Variants in SPAG16 observed in about 807,000 individuals in gnomAD.
The protein encoded by SPAG16 is sperm associated antigen 16.
A neutral mutation model predicts 80.4 loss-of-function variants in SPAG16; 86 were observed. That is an observed-to-expected ratio of 1.07 (90% CI 0.90 to 1.28). The LOEUF is 1.28. SPAG16 is among the 50% of genes most tolerant of loss of function. SPAG16 has a pLI of 0.00. For synonymous variants in SPAG16, 294 were observed against 265.9 expected, an observed-to-expected ratio of 1.11 and a Z score of -1.03; for missense variants, 870 against 765.3, an observed-to-expected ratio of 1.14 and a Z score of -1.61.
rs569322198 is a variant in SPAG16, at chr2:213,642,288, C to A, written c.1070+152198C>A. Among the ~76,000 whole-genome samples the A allele has an allele frequency of 3.3e-5, 5 of 152,296 alleles. No individual in the cohort carries two copies. The South Asian group carries it at 1.0e-3, about 32-fold the overall frequency. The stretch of plus-strand genomic sequence containing the variant: ...CAGTGGTTCTTGGAGCAAAAGTTCA[C>A]AATGTGAATCTCCACATGCTAGTTC... On this transcript the variant is annotated intron_variant, in intron 10 of 15. Coordinates refer to ENST00000331683, the MANE Select transcript of SPAG16 (RefSeq NM_024532.5).
intron 15 of SPAG16, among the ~76,000 whole-genome samples, chr2:214,251,828 G>A (rs1347510825): frequency 2.0e-5 from 3 of 152,092 alleles, no homozygotes; most frequent in Non-Finnish European, 4.4e-5. Flanking sequence ...ACAAATTGCT[G>A]AAAAGTAGGG....
chr2:214,358,195 C>G (rs1174309160), intron 15 of SPAG16, among the ~76,000 whole-genome samples: 4 of 151,844 alleles, frequency 2.6e-5, no homozygotes, highest in Non-Finnish European at 5.9e-5. Context: ...TTATGCGATG[C>G]TCTTGGTGTC....
At chr2:213,782,106 C>T (rs182135253) in intron 10 of SPAG16, among the ~76,000 whole-genome samples, 211 of 151,898 alleles carry the variant, frequency 1.4e-3, no homozygotes, top group African/African-American at 4.9e-3. Flanking sequence ...AATACTATCT[C>T]ATTTCAAAGT....
chr2:214,193,366 C>T (rs1232877870), intron 15 of SPAG16, among the ~76,000 whole-genome samples: 3 of 146,174 alleles, frequency 2.1e-5, no homozygotes, highest in Non-Finnish European at 3.0e-5. Context: ...TGCTAAAATT[C>T]ATTAACATCT....
At chr2:213,450,923 A>C (rs575350792) in intron 9 of SPAG16, among the ~76,000 whole-genome samples, 2 of 152,300 alleles carry the variant, frequency 1.3e-5, no homozygotes, top group South Asian at 4.1e-4. Flanking sequence ...ATTAAAGTTT[A>C]CCACATTTGA....
At chr2:214,262,415 T>A (rs1011017070) in intron 15 of SPAG16, among the ~76,000 whole-genome samples, 2 of 152,152 alleles carry the variant, frequency 1.3e-5, no homozygotes, top group African/African-American at 4.8e-5. Flanking sequence ...AAAGATTTCA[T>A]GTACTTTGAA....
At chr2:214,043,687 C>T (rs1274162816) in intron 13 of SPAG16, among the ~76,000 whole-genome samples, 4 of 152,158 alleles carry the variant, frequency 2.6e-5, no homozygotes, top group East Asian at 1.9e-4. Context: ...TCATGCCTTA[C>T]GATTCAGTCA....
At chr2:214,119,196 T>A (rs950668607) in intron 14 of SPAG16, among the ~76,000 whole-genome samples, 1 of 152,182 alleles carries the variant, frequency 6.6e-6, no homozygotes, top group Non-Finnish European at 1.5e-5. Context: ...AACTATTGAA[T>A]TGAATTTTAT....
chr2:213,818,383 A>G (rs921900324), intron 10 of SPAG16, among the ~76,000 whole-genome samples: 2 of 151,858 alleles, frequency 1.3e-5, no homozygotes, highest in African/African-American at 4.8e-5. Flanking sequence ...TGGCTCATTC[A>G]TTTCTCCTAA....
At chr2:214,214,630 A>C (rs2058382281) in intron 15 of SPAG16, among the ~76,000 whole-genome samples, 1 of 152,046 alleles carries the variant, frequency 6.6e-6, no homozygotes, top group South Asian at 2.1e-4. Context: ...CTTGAGAGCC[A>C]CATCATTTTA....
chr2:213,975,479 A>G (rs979215426), intron 12 of SPAG16, among the ~76,000 whole-genome samples: 9 of 151,842 alleles, frequency 5.9e-5, no homozygotes, highest in African/African-American at 2.2e-4. Context: ...ATAGTTTTTG[A>G]TTAAAGGAAA....
At chr2:213,340,481 A>G (rs938937400) in intron 6 of SPAG16, among the ~76,000 whole-genome samples, 5 of 152,142 alleles carry the variant, frequency 3.3e-5, no homozygotes, top group Non-Finnish European at 7.3e-5. Flanking sequence ...AATACACTGC[A>G]TTGTTGCTAT....
intron 11 of SPAG16, among the ~76,000 whole-genome samples, chr2:213,870,522 A>C (rs1274646768): frequency 6.6e-6 from 1 of 152,150 alleles, no homozygotes; most frequent in Non-Finnish European, 1.5e-5. Context: ...AATCAGACTT[A>C]TTTTCCAGTA....
chr2:214,101,305 G>GTGT (rs959660957), intron 13 of SPAG16, among the ~76,000 whole-genome samples: 1 of 151,914 alleles, frequency 6.6e-6, no homozygotes, highest in Non-Finnish European at 1.5e-5. Flanking sequence ...CACAACATGT[G>GTGT]TGTCCTGCTT....
At chr2:214,101,752 T>G (rs2053050161) in intron 13 of SPAG16, among the ~76,000 whole-genome samples, 1 of 152,176 alleles carries the variant, frequency 6.6e-6, no homozygotes, top group South Asian at 2.1e-4. Context: ...ATGCCACTGT[T>G]TTCATCTCTA....
chr2:214,134,595 T>C (rs1052938259), intron 14 of SPAG16, among the ~76,000 whole-genome samples: 5 of 152,224 alleles, frequency 3.3e-5, no homozygotes, highest in African/African-American at 1.2e-4. Context: ...ATAGGTTTTC[T>C]ATAGAATGAG....
At chr2:213,692,239 T>C (rs2064971443) in intron 10 of SPAG16, among the ~76,000 whole-genome samples, 1 of 152,120 alleles carries the variant, frequency 6.6e-6, no homozygotes. Flanking sequence ...TTAAACAAAA[T>C]TTAAGGGCAT....
chr2:213,507,618 C>T (rs994596853), intron 10 of SPAG16, among the ~76,000 whole-genome samples: 1 of 152,188 alleles, frequency 6.6e-6, no homozygotes, highest in African/African-American at 2.4e-5. Context: ...AGGGCCTTAT[C>T]AACTATGAAT....
chr2:213,311,999 G>T (rs559432175), intron 4 of SPAG16, among the ~76,000 whole-genome samples: 1 of 151,514 alleles, frequency 6.6e-6, no homozygotes, highest in African/African-American at 2.4e-5. Context: ...TAAATCGAGG[G>T]TTAGAAAACT....
Sources: allele counts gnomAD v4.1 joint callset (sites outside exome capture counted in the v4.1 genomes callset), GRCh38; gene constraint gnomAD v4.1.1; transcripts MANE v1.5; gene names NCBI Gene and HGNC (gene_info 2026-07-23, HGNC 2026-07-21).